ACOXL: variants seen among roughly 807,000 people sequenced by gnomAD.
The protein encoded by ACOXL is acyl-CoA oxidase like, also known as acyl-coenzyme A oxidase-like protein.
In ACOXL, 70 loss-of-function variants were observed where a neutral mutation model predicts 71.9. The ratio of observed to expected loss-of-function variants is 0.97; its 90% confidence interval spans 0.80 to 1.19. The LOEUF (loss-of-function observed/expected upper bound fraction) is 1.19, where lower values mean the gene tolerates loss of function less well. Among genes scored for constraint, ACOXL ranks in the 50% most tolerant of loss-of-function variants. The pLI is 0.00. For synonymous variants in ACOXL, 253 were observed against 281.6 expected, an observed-to-expected ratio of 0.90 and a Z score of 1.02; for missense variants, 703 against 736.3, an observed-to-expected ratio of 0.95 and a Z score of 0.52.
intron 7 of ACOXL, among the ~76,000 whole-genome samples, chr2:110,799,728 A>C (rs1454517361): frequency 6.6e-6 from 1 of 152,052 alleles, no homozygotes; most frequent in African/African-American, 2.4e-5. Context: ...ACCAATCAGC[A>C]CTCTGTAGCT....
intron 1 of ACOXL, among the ~76,000 whole-genome samples, chr2:110,765,513 A>G (rs941261085): frequency 1.3e-5 from 2 of 152,106 alleles, no homozygotes; most frequent in Admixed American, 6.6e-5. Context: ...GATAAATTCT[A>G]TTGATTTGTG....
chr2:111,093,571 A>G, intron 17 of ACOXL: 3 of 1,608,702 alleles, frequency 1.9e-6, no homozygotes, highest in Non-Finnish European at 2.6e-6. Flanking sequence ...CCACTTTAAA[A>G]ACATAAATAC....
intron 17 of ACOXL, among the ~76,000 whole-genome samples, chr2:111,104,864 A>T (rs898541338): frequency 6.6e-6 from 1 of 152,074 alleles, no homozygotes; most frequent in Non-Finnish European, 1.5e-5. Context: ...ATGGACTGTA[A>T]TGTACTTTTA....
intron 16 of ACOXL, among the ~76,000 whole-genome samples, chr2:111,088,552 G>A (rs1404073193): frequency 6.6e-6 from 1 of 152,182 alleles, no homozygotes; most frequent in Admixed American, 6.5e-5. Flanking sequence ...AGTACTGCTT[G>A]TTCTCACTTT....
chr2:111,097,325 T>G (rs150684692), intron 17 of ACOXL, among the ~76,000 whole-genome samples: 30 of 152,356 alleles, frequency 2.0e-4, no homozygotes, highest in African/African-American at 7.2e-4. Context: ...AAATTTTCAT[T>G]ACTCTTACAC....
intron 1 of ACOXL, among the ~76,000 whole-genome samples, chr2:110,741,152 G>A (rs1573281943): frequency 6.6e-6 from 1 of 152,234 alleles, no homozygotes; most frequent in African/African-American, 2.4e-5. Context: ...TCCTCAAGCA[G>A]TGATTTCCAG....
chr2:110,932,727 G>A (rs1255777176), intron 11 of ACOXL, among the ~76,000 whole-genome samples: 1 of 152,186 alleles, frequency 6.6e-6, no homozygotes, highest in Non-Finnish European at 1.5e-5. Context: ...GGAGAGTTGA[G>A]CATAGGTCCC....
chr2:110,778,288 A>G (rs770103348), intron 2 of ACOXL, among the ~76,000 whole-genome samples: 1 of 152,244 alleles, frequency 6.6e-6, no homozygotes, highest in Non-Finnish European at 1.5e-5. Context: ...AAAAATGCTG[A>G]CAAATTTCTC....
intron 10 of ACOXL, among the ~76,000 whole-genome samples, chr2:110,885,605 T>C (rs908652515): frequency 6.6e-6 from 1 of 152,210 alleles, no homozygotes; most frequent in African/African-American, 2.4e-5. Context: ...TTTTTGCAAA[T>C]TCGACTCCAC....
At chr2:110,827,599 G>A (rs1689315946) in intron 9 of ACOXL, among the ~76,000 whole-genome samples, 3 of 152,168 alleles carry the variant, frequency 2.0e-5, no homozygotes, top group African/African-American at 7.2e-5. Flanking sequence ...GTTCTTGGCT[G>A]GAGGAAGGCA....
chr2:110,956,847 C>A (rs1188675562), intron 12 of ACOXL, among the ~76,000 whole-genome samples: 1 of 152,122 alleles, frequency 6.6e-6, no homozygotes, highest in African/African-American at 2.4e-5. Context: ...AAGTTTGGAT[C>A]ATAAAATATG....
chr2:111,056,828 G>A (rs2066566773), intron 16 of ACOXL, among the ~76,000 whole-genome samples: 2 of 151,796 alleles, frequency 1.3e-5, no homozygotes, highest in South Asian at 4.2e-4. Context: ...AGTATGCCAG[G>A]CTCCATAGTA....
intron 12 of ACOXL, among the ~76,000 whole-genome samples, chr2:110,981,680 C>T (rs2062713858): frequency 6.6e-6 from 1 of 152,144 alleles, no homozygotes. Context: ...CAAAAGCTCT[C>T]CTGTTCCATA....
intron 11 of ACOXL, among the ~76,000 whole-genome samples, chr2:110,927,226 G>A (rs2060306790): frequency 6.6e-6 from 1 of 152,074 alleles, no homozygotes; most frequent in African/African-American, 2.4e-5. Context: ...ACAGCAAGGG[G>A]GAAGTCCACC....
At chr2:110,835,563 A>T (rs902284559) in intron 9 of ACOXL, among the ~76,000 whole-genome samples, 1 of 152,200 alleles carries the variant, frequency 6.6e-6, no homozygotes, top group Non-Finnish European at 1.5e-5. Context: ...AGGAGGCCTC[A>T]TCTCCTCCAG....
chr2:110,750,856 T>C (rs929541417), intron 1 of ACOXL, among the ~76,000 whole-genome samples: 1 of 151,870 alleles, frequency 6.6e-6, no homozygotes. Context: ...CACTAATTTT[T>C]GTATTTTTTG....
At chr2:111,030,732 A>AC (rs2065227772) in intron 14 of ACOXL, among the ~76,000 whole-genome samples, 1 of 29,554 alleles carries the variant, frequency 3.4e-5, no homozygotes, top group Non-Finnish European at 7.3e-5. Flanking sequence ...CCTTGAGCAC[A>AC]AAAAAAAAAA....
rs565709466 is a variant in ACOXL at position 110,932,868 on chromosome 2, G to A, written c.906-621G>A. ...TTTTCCAATGGGAGAACGATGTGGTGGAGACTCATGGTTGCACGTATGGTC... is the reference window on the plus strand; with the variant it reads ...TTTTCCAATGGGAGAACGATGTGGTAGAGACTCATGGTTGCACGTATGGTC... On this transcript the variant is annotated intron_variant, in intron 11 of 17. Transcript: ENST00000439055. Among the ~76,000 whole-genome samples, 7 of 152,258 alleles carry A rather than the reference G, an allele frequency of 4.6e-5. No homozygotes were observed. The South Asian group carries it at 1.5e-3, about 32-fold the overall frequency.
intron 16 of ACOXL, among the ~76,000 whole-genome samples, chr2:111,077,917 G>T (rs750503954): frequency 6.6e-5 from 10 of 152,126 alleles, no homozygotes; most frequent in Non-Finnish European, 1.3e-4. Flanking sequence ...CCTGTTTGGG[G>T]TTCACTAAAC....
Sources: gnomAD v4.1 joint callset for allele counts (sites outside exome capture counted in the v4.1 genomes callset) on GRCh38, gnomAD v4.1.1 for gene constraint, MANE v1.5 for transcripts, NCBI Gene and HGNC (gene_info 2026-07-23, HGNC 2026-07-21) for gene names.